The following CACNA1C variants were observed in gnomAD, a reference collection of about 807,000 sequenced individuals.
CACNA1C encodes voltage-dependent L-type calcium channel subunit alpha-1C.
Under a neutral mutation model 229.0 loss-of-function variants are expected in CACNA1C, and 30 were observed. The ratio of observed to expected loss-of-function variants is 0.13; its 90% CI spans 0.10 to 0.18. The LOEUF (loss-of-function observed/expected upper bound fraction) is 0.18. Among genes scored for constraint, CACNA1C ranks in the 10% least tolerant of loss-of-function variants. CACNA1C has a pLI of 1.00. For synonymous variants in CACNA1C, 1,114 were observed against 1,132.5 expected (o/e 0.98, Z 0.33); for missense variants, 1,658 against 2,845.0 (o/e 0.58, Z 9.49).
chr12:2,536,810 C>A lies in CACNA1C; in HGVS notation c.1391-13133C>A, dbSNP rs60438386. On this transcript the variant is annotated intron_variant, in intron 9 of 46. Transcript: ENST00000399655. ...TGTCACTACACTCCAGCCTGGGCAA[C>A]AGAGTGAAACTCTGTTTCAGAAAAA... Among the ~76,000 whole-genome samples the A allele has an allele frequency of 1.2e-3, 184 of 152,200 alleles. 2 individuals carry two copies. The East Asian group carries it at 0.028, about 23-fold the overall frequency.
At chr12:2,684,296 C>A (rs1267595858) in intron 43 of CACNA1C, among the ~76,000 whole-genome samples, 1 of 152,118 alleles carries the variant, frequency 6.6e-6, no homozygotes, top group Non-Finnish European at 1.5e-5. Context: ...CCTTCGTGTC[C>A]CCATCAGCAA....
chr12:2,468,924 C>T (rs570318877), intron 5 of CACNA1C, among the ~76,000 whole-genome samples: 11 of 152,362 alleles, frequency 7.2e-5, no homozygotes, highest in Middle Eastern at 3.4e-3. Flanking sequence ...CACCTTTCAC[C>T]ATGGCAGTTG....
At position 2,666,789 on chromosome 12, in the gene CACNA1C, GAT is replaced by G. The variant is rs1415722013; in HGVS notation, c.4623+9_4623+10del. 2 of 1,570,704 alleles carry G rather than the reference GAT, an allele frequency of 1.3e-6. No homozygotes were observed. Among genetic ancestry groups the G allele is most frequent in the African/African-American group, 1.3e-5 (1 of 74,074 alleles). On this transcript the variant is annotated splice_region_variant and intron_variant, in intron 37 of 46. Transcript: ENST00000399655. The surrounding 1 kb of genome is among the most constrained non-coding windows in gnomAD (Gnocchi z 5.3). Reference sequence around the variant, plus strand: ...TCACCGCGTGGCTTGCAAAGTAAGAGATAACGGGGTTCATGGGAGGGAGAGGG... The same window carrying G: ...TCACCGCGTGGCTTGCAAAGTAAGAGAACGGGGTTCATGGGAGGGAGAGGG...
chr12:2,641,211 C>T (rs2093654857), intron 30 of CACNA1C, among the ~76,000 whole-genome samples: 1 of 152,216 alleles, frequency 6.6e-6, no homozygotes, highest in Non-Finnish European at 1.5e-5. Context: ...TTGTTTATTC[C>T]TCAAAGGTAC....
chr12:2,294,426 C>T (rs1367144426), intron 3 of CACNA1C, among the ~76,000 whole-genome samples: 1 of 151,888 alleles, frequency 6.6e-6, no homozygotes, highest in African/African-American at 2.4e-5. Context: ...GCCTTGAATA[C>T]CCTGGGCAGA....
intron 3 of CACNA1C, among the ~76,000 whole-genome samples, chr12:2,204,849 T>C (rs12833831): frequency 0.27 from 33,908 of 125,340 alleles, 4,853 homozygotes; most frequent in Non-Finnish European, 0.33. Flanking sequence ...TGCTAGATGA[T>C]GAGTTAGTGG....
intron 3 of CACNA1C, among the ~76,000 whole-genome samples, chr12:2,229,680 G>A (rs978303283): frequency 6.6e-6 from 1 of 152,114 alleles, no homozygotes; most frequent in Non-Finnish European, 1.5e-5. Flanking sequence ...GGAATGAGGG[G>A]GTCAGCAGGG....
intron 38 of CACNA1C, among the ~76,000 whole-genome samples, chr12:2,674,187 C>T (rs1236936100): frequency 9.8e-5 from 15 of 152,346 alleles, no homozygotes; most frequent in African/African-American, 7.2e-5. Flanking sequence ...CTGGTGAGCG[C>T]ATGGCCGCCA....
intron 1 of CACNA1C, among the ~76,000 whole-genome samples, chr12:1,986,958 A>G (rs535264205): frequency 7.9e-5 from 12 of 152,322 alleles, no homozygotes; most frequent in Middle Eastern, 3.4e-3. Flanking sequence ...GGGGTTATGA[A>G]ACATCCCAAG....
At position 2,677,966 on chromosome 12, in the gene CACNA1C, G is replaced by C. The variant is rs1569210758; in HGVS notation, c.5091+99G>C. ...CGGGGAACGTCCAGGGGAAGGAGCT[G>C]CACCAGAGGAAAGGGCTACTTCCAG... On this transcript the variant is annotated intron_variant, in intron 41 of 46. Transcript: ENST00000399655. This position sits in a 1 kb window ranked among gnomAD's most constrained non-coding sequence, Gnocchi z 7.4. 1 of 1,392,788 alleles carries C rather than the reference G, an allele frequency of 7.2e-7. No individual in the cohort carries two copies. Among genetic ancestry groups the C allele is most frequent in the East Asian group, 2.3e-5 (1 of 43,390 alleles). The allele number at this position is 1,392,788 out of a possible 1,614,324, so 86.3% of individuals were successfully genotyped here.
intron 7 of CACNA1C, among the ~76,000 whole-genome samples, chr12:2,498,890 T>A (rs537555281): frequency 6.6e-6 from 1 of 152,232 alleles, no homozygotes. Flanking sequence ...CACTACTCTC[T>A]ATGACAGCTC....
chr12:2,072,806 G>T (rs915670803), intron 1 of CACNA1C, among the ~76,000 whole-genome samples: 1 of 152,210 alleles, frequency 6.6e-6, no homozygotes, highest in African/African-American at 2.4e-5. Flanking sequence ...GGGAACCGAA[G>T]ACAGGGCAGA....
In CACNA1C at chr12:2,504,516, T is replaced by C. The variant is rs1568090231; in HGVS notation, c.1114-326T>C. On this transcript the variant is annotated intron_variant, in intron 7 of 46. Transcript: ENST00000399655. This position sits in a 1 kb window ranked among gnomAD's most constrained non-coding sequence, Gnocchi z 6.8. Reference sequence around the variant, plus strand: ...TCTTTGGATCCTTTTTCGTTCTAAATCTGGTTCTCGGTGTGTTGAGCGGGT... The same window carrying C: ...TCTTTGGATCCTTTTTCGTTCTAAACCTGGTTCTCGGTGTGTTGAGCGGGT... 6.2e-7 allele frequency: 1 copy of C among 1,609,752 alleles called. No homozygotes were observed. The highest frequency in any genetic ancestry group is 8.5e-7 in the Non-Finnish European group (1 of 1,176,000).
At chr12:2,644,405 C>T (rs957483896) in intron 30 of CACNA1C, among the ~76,000 whole-genome samples, 1 of 152,196 alleles carries the variant, frequency 6.6e-6, no homozygotes, top group Non-Finnish European at 1.5e-5. Flanking sequence ...GGTATTCCAG[C>T]CTAGAGATCT....
At chr12:2,286,820 A>G (rs1003892152) in intron 3 of CACNA1C, among the ~76,000 whole-genome samples, 1 of 152,236 alleles carries the variant, frequency 6.6e-6, no homozygotes, top group African/African-American at 2.4e-5. Context: ...TTACTGAGCA[A>G]TGCTCATAAC....
Position 2,608,867 on chromosome 12 carries a change from A to C in CACNA1C, c.3558+155A>C, listed in dbSNP as rs1019624027. Among the ~76,000 whole-genome samples, 2 of 152,346 alleles carry C rather than the reference A, an allele frequency of 1.3e-5. No individual in the cohort carries two copies. The highest frequency in any genetic ancestry group is 3.9e-4 in the East Asian group (2 of 5,176). On this transcript the variant is annotated intron_variant, in intron 27 of 46. Coordinates refer to ENST00000399655, the MANE Select transcript of CACNA1C (RefSeq NM_000719.7). This position sits in a 1 kb window ranked among gnomAD's most constrained non-coding sequence, Gnocchi z 4.2. ...CCAGAGTGGGCTGTCAGTCTTTTTG[A>C]GGGACCTGTGCAAAAGAAATGCAAA...
In CACNA1C at chr12:2,585,256, C is replaced by A; in HGVS notation, c.2340-120C>A. The A allele has an allele frequency of 2.1e-6, 2 of 950,884 alleles. No individual in the cohort carries two copies. The highest frequency in any genetic ancestry group is 1.5e-6 in the Non-Finnish European group (1 of 666,314). 58.9% of individuals were successfully genotyped at this position (950,884 alleles called of 1,614,324 possible). On this transcript the variant is annotated intron_variant, in intron 16 of 46. Coordinates refer to ENST00000399655, the MANE Select transcript of CACNA1C (RefSeq NM_000719.7). The surrounding 1 kb of genome is among the most constrained non-coding windows in gnomAD (Gnocchi z 4.1). Reference sequence around the variant, plus strand: ...AGCGTCCTGGAGAAAGGAAGATGGACTCAGACCCAGGGGATCTGTCCCCTC... The same window carrying A: ...AGCGTCCTGGAGAAAGGAAGATGGAATCAGACCCAGGGGATCTGTCCCCTC...
chr12:2,338,379 C>CT, intron 3 of CACNA1C, among the ~76,000 whole-genome samples: 1 of 152,186 alleles, frequency 6.6e-6, no homozygotes, highest in Admixed American at 6.5e-5. Flanking sequence ...AAGGGTCTGT[C>CT]TGAGATAGAT....
intron 3 of CACNA1C, among the ~76,000 whole-genome samples, chr12:2,223,745 C>T (rs1296410622): frequency 1.3e-5 from 2 of 152,020 alleles, no homozygotes; most frequent in East Asian, 3.9e-4. Context: ...TCAATTGTAC[C>T]CTACGTACAT....
Sources: gnomAD v4.1 joint callset for allele counts (sites outside exome capture counted in the v4.1 genomes callset) on GRCh38, gnomAD v4.1.1 for gene constraint, Gnocchi (gnomAD v3.1) non-coding constraint, MANE v1.5 for transcripts, NCBI Gene and HGNC (gene_info 2026-07-23, HGNC 2026-07-21) for gene names.